GALNT17: variants seen among roughly 807,000 people sequenced by gnomAD.
GALNT17 encodes the protein UDP-GalNAc:polypeptide N-acetylgalactosaminyltransferase-like 3.
In GALNT17, 29 loss-of-function variants were observed where a neutral mutation model predicts 63.7. That is an observed-to-expected ratio of 0.46 (90% CI 0.34 to 0.62). The LOEUF is 0.62. Ranked by LOEUF, GALNT17 falls within the 20% of genes least tolerant of loss-of-function variation. The probability of loss-of-function intolerance (pLI) is 0.01; values close to 1 mark genes in which losing one functional copy is unlikely to be tolerated. For missense variants in GALNT17, 603 were observed against 799.6 expected, an observed-to-expected ratio of 0.75 and a Z score of 2.97; for synonymous variants, 305 against 318.3, an observed-to-expected ratio of 0.96 and a Z score of 0.45.
intron 6 of GALNT17, among the ~76,000 whole-genome samples, chr7:71,641,735 A>G (rs942628864): frequency 1.3e-5 from 2 of 152,070 alleles, no homozygotes; most frequent in African/African-American, 4.8e-5. Flanking sequence ...AATCCATTCC[A>G]GGCCTGTTGT....
chr7:71,246,558 T>C (rs1340779094), intron 1 of GALNT17, among the ~76,000 whole-genome samples: 1 of 146,916 alleles, frequency 6.8e-6, no homozygotes, highest in East Asian at 2.3e-4. Context: ...AGGCCAGGCG[T>C]GGTGGCTCAC....
intron 9 of GALNT17, among the ~76,000 whole-genome samples, chr7:71,701,818 C>CAT (rs1289906606): frequency 4.8e-4 from 3 of 6,282 alleles, no homozygotes; most frequent in East Asian, 4.7e-3. Flanking sequence ...TATATATACA[C>CAT]ATATATATAC....
At chr7:71,644,527 C>CAAAAAAAAAAAAA (rs58497593) in intron 6 of GALNT17, among the ~76,000 whole-genome samples, 1 of 23,662 alleles carries the variant, frequency 4.2e-5, no homozygotes, top group Non-Finnish European at 7.0e-5. Flanking sequence ...GACTCCATCT[C>CAAAAAAAAAAAAA]AAAAAAAAAA....
At chr7:71,637,158 T>C (rs916310887) in intron 6 of GALNT17, among the ~76,000 whole-genome samples, 1 of 152,192 alleles carries the variant, frequency 6.6e-6, no homozygotes, top group Non-Finnish European at 1.5e-5. Flanking sequence ...CTAGCTCTCA[T>C]TACTTTGTTG....
At chr7:71,173,130 A>G (rs777510228) in intron 1 of GALNT17, among the ~76,000 whole-genome samples, 17 of 152,166 alleles carry the variant, frequency 1.1e-4, no homozygotes, top group Non-Finnish European at 2.4e-4. Flanking sequence ...GGCCCTGGAC[A>G]CTGACATGCC....
At chr7:71,668,411 G>A (rs1200230010) in intron 7 of GALNT17, among the ~76,000 whole-genome samples, 1 of 145,676 alleles carries the variant, frequency 6.9e-6, no homozygotes, top group East Asian at 2.1e-4. Flanking sequence ...AGCTACTCGG[G>A]AGGCTGAAGC....
chr7:71,435,853 A>C (rs1195603818), intron 5 of GALNT17, among the ~76,000 whole-genome samples: 1 of 151,930 alleles, frequency 6.6e-6, no homozygotes, highest in Non-Finnish European at 1.5e-5. Flanking sequence ...CCCCATCTCT[A>C]CTAAAAATAC....
At chr7:71,404,032 C>G (rs1793285146) in intron 3 of GALNT17, among the ~76,000 whole-genome samples, 1 of 152,104 alleles carries the variant, frequency 6.6e-6, no homozygotes, top group Non-Finnish European at 1.5e-5. Context: ...CTTTCAAATG[C>G]CTTTGATGGG....
chr7:71,554,847 A>T (rs1022662505), intron 5 of GALNT17, among the ~76,000 whole-genome samples: 1 of 152,214 alleles, frequency 6.6e-6, no homozygotes, highest in African/African-American at 2.4e-5. Flanking sequence ...TCCCCAGCCC[A>T]GGGAGAATTA....
chr7:71,328,546 T>C (rs1232764396), intron 1 of GALNT17, among the ~76,000 whole-genome samples: 1 of 152,176 alleles, frequency 6.6e-6, no homozygotes, highest in African/African-American at 2.4e-5. Context: ...CTTTCCTGGC[T>C]AAGTTAAGAC....
At chr7:71,349,239 G>GGTTT (rs777928650) in intron 2 of GALNT17, among the ~76,000 whole-genome samples, 23,086 of 152,134 alleles carry the variant, frequency 0.15, 2,540 homozygotes, top group African/African-American at 0.32. Flanking sequence ...TTCGTAACAA[G>GGTTT]CTGAGATTTA....
intron 8 of GALNT17, among the ~76,000 whole-genome samples, chr7:71,673,689 A>G (rs942204161): frequency 6.6e-6 from 1 of 152,174 alleles, no homozygotes; most frequent in African/African-American, 2.4e-5. Context: ...ATCTTGGCTC[A>G]CTGTAGCCTT....
chr7:71,502,335 C>T (rs1220956302), intron 5 of GALNT17, among the ~76,000 whole-genome samples: 1 of 152,206 alleles, frequency 6.6e-6, no homozygotes, highest in African/African-American at 2.4e-5. Context: ...GATGGGGTCA[C>T]ATTCATCGGA....
intron 1 of GALNT17, among the ~76,000 whole-genome samples, chr7:71,326,459 CGAAA>C (rs1184144953): frequency 2.0e-5 from 3 of 152,078 alleles, no homozygotes; most frequent in Admixed American, 6.6e-5. Flanking sequence ...GACCCCAACT[CGAAA>C]GAAAGAAAGC....
intron 6 of GALNT17, among the ~76,000 whole-genome samples, chr7:71,625,491 C>G (rs1790359075): frequency 6.6e-6 from 1 of 152,026 alleles, no homozygotes; most frequent in Non-Finnish European, 1.5e-5. Flanking sequence ...TTGCCTTGCC[C>G]TTAGAGATGT....
At chr7:71,527,052 G>T (rs980098772) in intron 5 of GALNT17, among the ~76,000 whole-genome samples, 2 of 152,144 alleles carry the variant, frequency 1.3e-5, no homozygotes, top group African/African-American at 4.8e-5. Flanking sequence ...AGAATTTTAA[G>T]TTAGAATCTT....
At chr7:71,466,762 C>T (rs1168170110) in intron 5 of GALNT17, among the ~76,000 whole-genome samples, 1 of 152,200 alleles carries the variant, frequency 6.6e-6, no homozygotes, top group Non-Finnish European at 1.5e-5. Flanking sequence ...GCTCTTTTAA[C>T]AGATTGCCAA....
chr7:71,327,554 T>G (rs1022969337), intron 1 of GALNT17, among the ~76,000 whole-genome samples: 1 of 152,048 alleles, frequency 6.6e-6, no homozygotes, highest in African/African-American at 2.4e-5. Flanking sequence ...CCAAACCATA[T>G]CAGGTAGGAT....
chr7:71,377,756 C>T (rs1792771943), intron 2 of GALNT17, among the ~76,000 whole-genome samples: 1 of 152,064 alleles, frequency 6.6e-6, no homozygotes, highest in African/African-American at 2.4e-5. Flanking sequence ...GGCAGTTTCC[C>T]CCATGTTGTC....
Sources: allele counts gnomAD v4.1 joint callset (sites outside exome capture counted in the v4.1 genomes callset), GRCh38; gene constraint gnomAD v4.1.1; transcripts MANE v1.5; gene names NCBI Gene and HGNC (gene_info 2026-07-23, HGNC 2026-07-21).